Variants in TAFA1 observed in about 807,000 individuals in gnomAD.
TAFA1 encodes chemokine-like protein TAFA-1.
In TAFA1, 4 loss-of-function variants were observed where a neutral mutation model predicts 18.5. That is an observed-to-expected ratio of 0.22 (90% CI 0.11 to 0.49). TAFA1 has a LOEUF of 0.49. Ranked by LOEUF, TAFA1 falls within the 20% of genes least tolerant of loss-of-function variation. The pLI is 0.98. For synonymous variants in TAFA1, 56 were observed against 55.2 expected (o/e 1.01, Z -0.06); for missense variants, 147 against 169.0 (o/e 0.87, Z 0.72).
intron 2 of TAFA1, among the ~76,000 whole-genome samples, chr3:68,374,877 G>A (rs1181870764): frequency 6.6e-6 from 1 of 151,570 alleles, no homozygotes. Context: ...ATTCTTTATG[G>A]ATCGCATTAC....
chr3:68,205,492 A>G (rs1311299914), intron 2 of TAFA1, among the ~76,000 whole-genome samples: 1 of 151,862 alleles, frequency 6.6e-6, no homozygotes, highest in African/African-American at 2.4e-5. Flanking sequence ...CACTTTCCAC[A>G]TTGGTGAAAT....
At chr3:68,527,622 G>A (rs770492669) in intron 3 of TAFA1, among the ~76,000 whole-genome samples, 15 of 152,042 alleles carry the variant, frequency 9.9e-5, no homozygotes, top group Non-Finnish European at 1.8e-4. Context: ...ATAGCATGCT[G>A]TATCTTTTTA....
intron 2 of TAFA1, among the ~76,000 whole-genome samples, chr3:68,077,789 C>A (rs900606959): frequency 1.4e-3 from 210 of 152,010 alleles, no homozygotes; most frequent in Non-Finnish European, 1.0e-3. Flanking sequence ...CTTGGCGATG[C>A]GGGCTCTTTT....
rs913922364 is a variant in TAFA1 at position 68,417,289 on chromosome 3, C to A, written c.128C>A (p.Thr43Lys). The change falls in exon 3 of 5, where the codon ACG (threonine) becomes AAG (lysine). Residue 43 changes from threonine (T) to lysine (K), a missense_variant. Thr to Lys is a moderately conservative substitution (Grantham distance 78, BLOSUM62 -1). Transcript: ENST00000478136. ...CTTTCTCTCTTGCCAGAAGGAGGGA[C>A]GTGTGAAGTGATAGCAGCACACCGA... ...QHHLHRPEGG[T>K]CEVIAAHRCC... is the part of the protein sequence containing the mutation. The A allele has an allele frequency of 6.2e-7, 1 of 1,612,490 alleles. No individual in the cohort carries two copies. The highest frequency in any genetic ancestry group is 8.5e-7 in the Non-Finnish European group (1 of 1,179,242).
At chr3:68,340,723 CTAAT>C (rs2069067244) in intron 2 of TAFA1, among the ~76,000 whole-genome samples, 1 of 152,130 alleles carries the variant, frequency 6.6e-6, no homozygotes, top group Non-Finnish European at 1.5e-5. Context: ...ATCCTTTTCT[CTAAT>C]TAATTCAAGT....
intron 2 of TAFA1, among the ~76,000 whole-genome samples, chr3:68,105,264 A>C (rs2065191076): frequency 6.6e-6 from 1 of 152,138 alleles, no homozygotes; most frequent in South Asian, 2.1e-4. Context: ...GGACATTCAA[A>C]ATATATCAGT....
chr3:68,286,842 C>T (rs553929305), intron 2 of TAFA1, among the ~76,000 whole-genome samples: 1 of 152,164 alleles, frequency 6.6e-6, no homozygotes, highest in Non-Finnish European at 1.5e-5. Context: ...GAGAGAAAAA[C>T]TCTCTATTAT....
intron 2 of TAFA1, among the ~76,000 whole-genome samples, chr3:68,337,002 C>T (rs1424103592): frequency 5.9e-5 from 9 of 152,268 alleles, no homozygotes; most frequent in South Asian, 4.1e-4. Context: ...GGATTACAGG[C>T]GTGAGCCACC....
chr3:68,433,563 T>C (rs1172926169), intron 3 of TAFA1, among the ~76,000 whole-genome samples: 1 of 152,128 alleles, frequency 6.6e-6, no homozygotes, highest in East Asian at 1.9e-4. Flanking sequence ...TTCATGAAGG[T>C]CTTGTTCACA....
intron 2 of TAFA1, among the ~76,000 whole-genome samples, chr3:68,154,725 G>T (rs548658649): frequency 2.0e-5 from 3 of 152,042 alleles, no homozygotes; most frequent in Non-Finnish European, 4.4e-5. Flanking sequence ...CCCTGCCTTG[G>T]GGGTAGTTCT....
At position 68,544,468 on chromosome 3, in the gene TAFA1, G is replaced by A; in HGVS notation, c.385-18G>A. 4 of 1,611,984 alleles carry A rather than the reference G, an allele frequency of 2.5e-6. No individual in the cohort carries two copies. The highest frequency in any genetic ancestry group is 3.4e-6 in the Non-Finnish European group (4 of 1,178,666). On this transcript the variant is annotated intron_variant, in intron 4 of 4. Transcript: ENST00000478136. Reference sequence around the variant, plus strand: ...TTGCACTGTTCTCCCTGAAATGTCTGTCTTTCTTTGGTTTCAGATTCACCC... The same window carrying A: ...TTGCACTGTTCTCCCTGAAATGTCTATCTTTCTTTGGTTTCAGATTCACCC...
intron 2 of TAFA1, among the ~76,000 whole-genome samples, chr3:68,289,596 C>T (rs1037332370): frequency 7.1e-6 from 1 of 140,984 alleles, no homozygotes; most frequent in African/African-American, 2.6e-5. Flanking sequence ...GCAGGAGGAA[C>T]ATTTAGAATG....
chr3:68,085,385 G>A (rs935012462), intron 2 of TAFA1, among the ~76,000 whole-genome samples: 5 of 152,188 alleles, frequency 3.3e-5, no homozygotes, highest in African/African-American at 9.6e-5. Context: ...ATTTGATTAT[G>A]ATTACATGTT....
At chr3:68,147,203 A>C (rs920864569) in intron 2 of TAFA1, among the ~76,000 whole-genome samples, 1 of 152,024 alleles carries the variant, frequency 6.6e-6, no homozygotes, top group Non-Finnish European at 1.5e-5. Context: ...ATCCTGAGCC[A>C]TACCTCCTTA....
intron 2 of TAFA1, among the ~76,000 whole-genome samples, chr3:68,107,913 C>G (rs2065221582): frequency 6.6e-6 from 1 of 152,044 alleles, no homozygotes; most frequent in African/African-American, 2.4e-5. Context: ...CTGCCCTAGT[C>G]ATTAGGGTAC....
intron 2 of TAFA1, among the ~76,000 whole-genome samples, chr3:68,223,084 A>G (rs2066752176): frequency 6.6e-6 from 1 of 152,138 alleles, no homozygotes; most frequent in South Asian, 2.1e-4. Context: ...TTTTGGAAGA[A>G]AGCAAGTCTT....
At chr3:68,110,477 A>G (rs2065250893) in intron 2 of TAFA1, among the ~76,000 whole-genome samples, 1 of 152,206 alleles carries the variant, frequency 6.6e-6, no homozygotes, top group East Asian at 1.9e-4. Context: ...ATTTATATTC[A>G]TTCCTTTGGG....
chr3:68,006,583 T>G (rs1482178100), intron 1 of TAFA1, 41 bp from the exon 2 acceptor site: 1 of 1,418,916 alleles, frequency 7.0e-7, no homozygotes, highest in East Asian at 2.3e-5. Context: ...GCTGGGGGCT[T>G]GAAGCCGGAG....
At chr3:68,218,954 C>T (rs12494944) in intron 2 of TAFA1, among the ~76,000 whole-genome samples, 17,140 of 151,638 alleles carry the variant, frequency 0.11, 1,148 homozygotes, top group Admixed American at 0.2. Flanking sequence ...TTTGAGTGTC[C>T]TTGATATTGC....
Sources: allele counts gnomAD v4.1 joint callset (sites outside exome capture counted in the v4.1 genomes callset), GRCh38; gene constraint gnomAD v4.1.1; transcripts MANE v1.5; gene names NCBI Gene and HGNC (gene_info 2026-07-23, HGNC 2026-07-21).